Variants in SMIM10L2A observed in about 807,000 individuals in gnomAD.
SMIM10L2A encodes the protein small integral membrane protein 10 like 2A.
SMIM10L2A carries 2 observed loss-of-function variants against 3.0 expected under a neutral mutation model. That is an observed-to-expected ratio of 0.66 (90% confidence interval 0.27 to 2.08). The LOEUF (loss-of-function observed/expected upper bound fraction) is 2.08, where lower values mean the gene tolerates loss of function less well. SMIM10L2A is among the 30% of genes most tolerant of loss of function. The pLI is 0.14. For missense variants in SMIM10L2A, 59 were observed against 66.5 expected (o/e 0.89, Z 0.39); for synonymous variants, 29 against 34.8 (o/e 0.83, Z 0.58).
chrX:135,425,758 C>T lies in SMIM10L2A; in HGVS notation c.*2488C>T, dbSNP rs1446131889. On this transcript the variant is annotated 3_prime_UTR_variant, in exon 2 of 2. Coordinates refer to ENST00000417443, the MANE Select transcript of SMIM10L2A (RefSeq NM_203306.3). ...TTGGTTTAATACACTAAAATCCCAACTGGAGGCCTCCCGTGTCTGGTGGGG... is the reference window on the plus strand; with the variant it reads ...TTGGTTTAATACACTAAAATCCCAATTGGAGGCCTCCCGTGTCTGGTGGGG... The T allele has an allele frequency of 8.9e-6, 1 of 112,211 alleles. No homozygotes were observed. Among genetic ancestry groups the T allele is most frequent in the Non-Finnish European group, 1.9e-5 (1 of 53,217 alleles). 9.2% of individuals were successfully genotyped at this position (112,211 alleles called of 1,213,427 possible).
rs930025755 is a variant in SMIM10L2A, at chrX:135,427,601, T to C, written c.*4331T>C. 2 of 112,698 alleles carry C rather than the reference T, an allele frequency of 1.8e-5. No homozygotes were observed. The highest frequency in any genetic ancestry group is 1.9e-4 in the Admixed American group (2 of 10,732). 9.3% of individuals were successfully genotyped at this position (112,698 alleles called of 1,213,427 possible). ...GAAATTGCTGGGTTTTGGACGAATT[T>C]TCACTTTGTGTGCACCTTTTATGTA... On this transcript the variant is annotated 3_prime_UTR_variant, in exon 2 of 2. Transcript: ENST00000417443.
Position 135,422,150 on chromosome X carries a change from C to G in SMIM10L2A, c.19C>G (p.Leu7Val). 4 of 650,553 alleles carry G rather than the reference C, an allele frequency of 6.1e-6. No homozygotes were observed. In the South Asian group the frequency reaches 1.3e-4, roughly 21 times the overall value. The allele number at this position is 650,553 out of a possible 1,213,427, so 53.6% of individuals were successfully genotyped here. MAASAA[L>V]SAAAAAAALS... ...CGGGCCCATGGCGGCGTCGGCGGCT[C>G]TGTCTGCAGCGGCGGCTGCGGCGGC... is the stretch of plus-strand genomic sequence containing the variant. Residue 7 changes from leucine (L) to valine (V), a missense_variant, in exon 1 of 2, where the codon CTG (leucine) becomes GTG (valine). Leu to Val is a conservative substitution (Grantham distance 32). Coordinates refer to ENST00000417443, the MANE Select transcript of SMIM10L2A (RefSeq NM_203306.3).
At position 135,422,474 on chromosome X, in the gene SMIM10L2A, G is replaced by A. The variant is rs2085135244; in HGVS notation, c.*106G>A. ...AAGGAAAGCTGGGCCGCGGCGGGGG[G>A]CGGAGGCGGGGCGGCTCGGACCCCT... On this transcript the variant is annotated 3_prime_UTR_variant, in exon 1 of 2. Transcript: ENST00000417443. 1 of 265,974 alleles carries A rather than the reference G, an allele frequency of 3.8e-6. No homozygotes were observed. The highest frequency in any genetic ancestry group is 6.6e-5 in the Admixed American group (1 of 15,072). The allele number at this position is 265,974 out of a possible 1,213,427, so 21.9% of individuals were successfully genotyped here. A position where few individuals can be genotyped will look rare whatever the true frequency, so the allele number is the denominator to read the frequency against.
At position 135,424,641 on chromosome X, in the gene SMIM10L2A, C is replaced by G. The variant is rs149326223; in HGVS notation, c.*1371C>G. 6.3e-5 allele frequency: 7 copies of G among 111,698 alleles called. No individual in the cohort carries two copies. The highest frequency in any genetic ancestry group is 1.6e-4 in the African/African-American group (5 of 30,650). The allele number at this position is 111,698 out of a possible 1,213,427, so 9.2% of individuals were successfully genotyped here. A position where few individuals can be genotyped will look rare whatever the true frequency, so the allele number is the denominator to read the frequency against. ...TATCCCCATTTCCGCATCTCTTGCA[C>G]TGGTACCCCGGGCGCCACGTTCTCA... is the stretch of plus-strand genomic sequence containing the variant. On this transcript the variant is annotated 3_prime_UTR_variant, in exon 2 of 2. Coordinates refer to ENST00000417443, the MANE Select transcript of SMIM10L2A (RefSeq NM_203306.3).
In SMIM10L2A at chrX:135,425,613, A is replaced by G. The variant is rs1462482964; in HGVS notation, c.*2343A>G. On this transcript the variant is annotated 3_prime_UTR_variant, in exon 2 of 2. Transcript: ENST00000417443. ...GCGGTGGAGCTAGACACTGACCGGAATGACATACTTTTCTGTGTGTGATTC... is the reference window on the plus strand; with the variant it reads ...GCGGTGGAGCTAGACACTGACCGGAGTGACATACTTTTCTGTGTGTGATTC... 8.9e-6 allele frequency: 1 copy of G among 112,523 alleles called. No individual in the cohort carries two copies. Among genetic ancestry groups the G allele is most frequent in the Non-Finnish European group, 1.9e-5 (1 of 53,250 alleles). The allele number at this position is 112,523 out of a possible 1,213,427, so 9.3% of individuals were successfully genotyped here.
chrX:135,423,036 CG>C (rs1336222467), intron 1 of SMIM10L2A, among the ~76,000 whole-genome samples: 1 of 112,246 alleles, frequency 8.9e-6, no homozygotes, highest in African/African-American at 3.2e-5. Context: ...GGGGCGGCCC[CG>C]GAAGGCCCTA....
chrX:135,422,903 G>GGTGGGCATAGGGAGGACGGTTCTCTTC, intron 1 of SMIM10L2A, among the ~76,000 whole-genome samples, 173 bp downstream of exon 1: 1 of 112,342 alleles, frequency 8.9e-6, no homozygotes, highest in African/African-American at 3.2e-5. Context: ...CTCCTCCCCA[G>GGTGGGCATAGGGAGGACGGTTCTCTTC]TCATGATTGC....
rs2085159127 is a variant in SMIM10L2A, at chrX:135,427,963, C to T, written c.*4693C>T. Reference sequence around the variant, plus strand: ...TATGCATGGCTTAGGGCTTTTGATACTCTCCAGAGTTGGGATACCAAGTCA... The same window carrying T: ...TATGCATGGCTTAGGGCTTTTGATATTCTCCAGAGTTGGGATACCAAGTCA... On this transcript the variant is annotated 3_prime_UTR_variant, in exon 2 of 2. Coordinates refer to ENST00000417443, the MANE Select transcript of SMIM10L2A (RefSeq NM_203306.3). The T allele has an allele frequency of 8.9e-6, 1 of 111,826 alleles. No individual in the cohort carries two copies. Among genetic ancestry groups the T allele is most frequent in the Non-Finnish European group, 1.9e-5 (1 of 53,242 alleles). The allele number at this position is 111,826 out of a possible 1,213,427, so 9.2% of individuals were successfully genotyped here.
rs2085134028 is a variant in SMIM10L2A, at chrX:135,422,256, G to A, written c.125G>A (p.Arg42His). Residue 42 changes from arginine (R) to histidine (H), a missense_variant, in exon 1 of 2, where the codon CGC becomes CAC. Physicochemically the swap from Arg to His is conservative, Grantham distance 29 (BLOSUM62 0). Transcript: ENST00000417443. ...GGCGCCTTCTGCAAGGGGCTCACGC[G>A]CACGCTGCTCACCTTCTTCGACCTG... ...SYGAFCKGLT[R>H]TLLTFFDLAW... 12 of 1,089,812 alleles carry A rather than the reference G, an allele frequency of 1.1e-5. No homozygotes were observed. The highest frequency in any genetic ancestry group is 9.7e-6 in the Non-Finnish European group (8 of 828,104). 89.8% of individuals were successfully genotyped at this position (1,089,812 alleles called of 1,213,427 possible).
rs1556471616 is a variant in SMIM10L2A at position 135,426,150 on chromosome X, G to A, written c.*2880G>A. ...AAACAGACTCGACACAGGTCATTTT[G>A]TGTAGCACTGAGACTCCTCTCCCTG... On this transcript the variant is annotated 3_prime_UTR_variant, in exon 2 of 2. Transcript: ENST00000417443. The A allele has an allele frequency of 8.9e-6, 1 of 111,950 alleles. No homozygotes were observed. The highest frequency in any genetic ancestry group is 3.3e-5 in the African/African-American group (1 of 30,699). 9.2% of individuals were successfully genotyped at this position (111,950 alleles called of 1,213,427 possible).
At chrX:135,423,432 G>A (rs1556470741) in intron 1 of SMIM10L2A, among the ~76,000 whole-genome samples, 3 of 113,065 alleles carry the variant, frequency 2.7e-5, no homozygotes. Context: ...CCATCCTCCA[G>A]CCCCAGACGG....
chrX:135,422,669 G>A lies in SMIM10L2A; in HGVS notation c.*301G>A, dbSNP rs1556470486. 6.5e-6 allele frequency: 1 copy of A among 152,704 alleles called. No homozygotes were observed. Among genetic ancestry groups the A allele is most frequent in the Non-Finnish European group, 1.3e-5 (1 of 78,788 alleles). The allele number at this position is 152,704 out of a possible 1,213,427, so 12.6% of individuals were successfully genotyped here. ...TGTTGCCTCATATTGGCCAAAGAGG[G>A]GGAAACCAGAAGGAGGGAATTCTGC... On this transcript the variant is annotated 3_prime_UTR_variant, in exon 1 of 2. Coordinates refer to ENST00000417443, the MANE Select transcript of SMIM10L2A (RefSeq NM_203306.3).
In SMIM10L2A at chrX:135,427,003, T is replaced by TG. The variant is rs1280349607; in HGVS notation, c.*3737dup. ...CTCACCTGGAGCAGCCTTGTTACTG[T>TG]GGGGAAAAGGAACCAAGTGAAGGGA... On this transcript the variant is annotated 3_prime_UTR_variant, in exon 2 of 2. Transcript: ENST00000417443. 8.9e-6 allele frequency: 1 copy of TG among 112,987 alleles called. No homozygotes were observed. 9.3% of individuals were successfully genotyped at this position (112,987 alleles called of 1,213,427 possible). A position where few individuals can be genotyped will look rare whatever the true frequency, so the allele number is the denominator to read the frequency against.
chrX:135,423,360 T>G (rs782543969), intron 1 of SMIM10L2A, among the ~76,000 whole-genome samples: 2 of 112,796 alleles, frequency 1.8e-5, no homozygotes, highest in African/African-American at 6.4e-5. Flanking sequence ...CTTGCTCTTC[T>G]GCCATGTCAG....
At chrX:135,422,794 G>A (rs1261209010) in intron 1 of SMIM10L2A, 64 bp downstream of exon 1, 2 of 113,987 alleles carry the variant, frequency 1.8e-5, no homozygotes, top group African/African-American at 3.2e-5. Context: ...GTCAGGGCGT[G>A]TTGGCGGTCA....
At position 135,424,782 on chromosome X, in the gene SMIM10L2A, C is replaced by T. The variant is rs2085145727; in HGVS notation, c.*1512C>T. ...GGACTCAGGTCCTGAATGAAGCTGT[C>T]CGCCTGCCTCATGCCAGAAGCGGCT... On this transcript the variant is annotated 3_prime_UTR_variant, in exon 2 of 2. Transcript: ENST00000417443. 1 of 112,160 alleles carries T rather than the reference C, an allele frequency of 8.9e-6. No individual in the cohort carries two copies. Among genetic ancestry groups the T allele is most frequent in the Non-Finnish European group, 1.9e-5 (1 of 53,198 alleles). 9.2% of individuals were successfully genotyped at this position (112,160 alleles called of 1,213,427 possible).
rs2085156056 is a variant in SMIM10L2A at position 135,427,161 on chromosome X, T to A, written c.*3891T>A. On this transcript the variant is annotated 3_prime_UTR_variant, in exon 2 of 2. Transcript: ENST00000417443. ...AGAGAAACCAAAGACAGGAACCAAGTCTGAAACAGAGCCCCAAGAAGAAGC... is the reference window on the plus strand; with the variant it reads ...AGAGAAACCAAAGACAGGAACCAAGACTGAAACAGAGCCCCAAGAAGAAGC... 1 of 112,476 alleles carries A rather than the reference T, an allele frequency of 8.9e-6. No individual in the cohort carries two copies. Among genetic ancestry groups the A allele is most frequent in the Non-Finnish European group, 1.9e-5 (1 of 53,286 alleles). The allele number at this position is 112,476 out of a possible 1,213,427, so 9.3% of individuals were successfully genotyped here. A position where few individuals can be genotyped will look rare whatever the true frequency, so the allele number is the denominator to read the frequency against.
rs782151101 is a variant in SMIM10L2A, at chrX:135,428,068, C to G, written c.*4798C>G. On this transcript the variant is annotated 3_prime_UTR_variant, in exon 2 of 2. Coordinates refer to ENST00000417443, the MANE Select transcript of SMIM10L2A (RefSeq NM_203306.3). ...ATTCAATAGATTAAAAAATTTATTA[C>G]TACCTTTCATTGCCTCAAGCAGGGT... The G allele has an allele frequency of 1.8e-3, 196 of 111,011 alleles. 1 individual carries two copies. The highest frequency in any genetic ancestry group is 6.1e-3 in the African/African-American group (185 of 30,474). The allele number at this position is 111,011 out of a possible 1,213,427, so 9.1% of individuals were successfully genotyped here. A position where few individuals can be genotyped will look rare whatever the true frequency, so the allele number is the denominator to read the frequency against.
Position 135,424,362 on chromosome X carries a change from G to A in SMIM10L2A, c.*1092G>A, listed in dbSNP as rs1290147325. ...GTGGGCAAGTGGGGGTGATCTTGGT[G>A]TTGTGGCTCCTGGAGACACGACATA... On this transcript the variant is annotated 3_prime_UTR_variant, in exon 2 of 2. Coordinates refer to ENST00000417443, the MANE Select transcript of SMIM10L2A (RefSeq NM_203306.3). 3 of 110,943 alleles carry A rather than the reference G, an allele frequency of 2.7e-5. No homozygotes were observed. The highest frequency in any genetic ancestry group is 5.7e-5 in the Non-Finnish European group (3 of 52,807). 9.1% of individuals were successfully genotyped at this position (110,943 alleles called of 1,213,427 possible).
Sources: gnomAD v4.1 joint callset for allele counts (sites outside exome capture counted in the v4.1 genomes callset) on GRCh38, gnomAD v4.1.1 for gene constraint, MANE v1.5 for transcripts, NCBI Gene and HGNC (gene_info 2026-07-23, HGNC 2026-07-21) for gene names.